The following MSRA variants were observed in gnomAD, a reference collection of about 807,000 sequenced individuals.
MSRA encodes the protein methionine sulfoxide reductase A, also known as mitochondrial peptide methionine sulfoxide reductase.
Under a neutral mutation model 31.3 loss-of-function variants are expected in MSRA, and 54 were observed. The ratio of observed to expected loss-of-function variants is 1.73; its 90% confidence interval spans 1.39 to 2.17. MSRA has a LOEUF of 2.17. Ranked by LOEUF, MSRA falls within the 30% of genes most tolerant of loss-of-function variation. The pLI is 0.00. For synonymous variants in MSRA, 169 were observed against 116.5 expected, an observed-to-expected ratio of 1.45 and a Z score of -2.90; for missense variants, 507 against 300.9, an observed-to-expected ratio of 1.69 and a Z score of -5.07.
chr8:10,338,710 A>T (rs1445618797), intron 5 of MSRA, among the ~76,000 whole-genome samples: 1 of 152,260 alleles, frequency 6.6e-6, no homozygotes, highest in Non-Finnish European at 1.5e-5. Context: ...AAGAAGTCAC[A>T]TAGAAATTCT....
At chr8:10,396,247 G>C (rs2129181896) in intron 5 of MSRA, among the ~76,000 whole-genome samples, 1 of 152,296 alleles carries the variant, frequency 6.6e-6, no homozygotes, top group Middle Eastern at 3.4e-3. Flanking sequence ...AGCCACTGCT[G>C]CCGTTCTCAG....
chr8:10,259,395 A>G (rs1390353373), intron 3 of MSRA, among the ~76,000 whole-genome samples: 1 of 152,188 alleles, frequency 6.6e-6, no homozygotes, highest in Non-Finnish European at 1.5e-5. Context: ...GTTAATTCAC[A>G]GGTTGGTGAA....
chr8:10,249,359 G>A (rs1194289497), intron 3 of MSRA, among the ~76,000 whole-genome samples: 1 of 152,172 alleles, frequency 6.6e-6, no homozygotes, highest in Non-Finnish European at 1.5e-5. Context: ...ACCTCGGGCT[G>A]AGTTATATGA....
chr8:10,367,881 G>C (rs935737939), intron 5 of MSRA, among the ~76,000 whole-genome samples: 3 of 152,222 alleles, frequency 2.0e-5, no homozygotes, highest in Non-Finnish European at 2.9e-5. Context: ...AAGTGAGGGG[G>C]GAAAGCTGCT....
At chr8:10,344,754 A>G (rs1478533936) in intron 5 of MSRA, among the ~76,000 whole-genome samples, 1 of 152,096 alleles carries the variant, frequency 6.6e-6, no homozygotes, top group Non-Finnish European at 1.5e-5. Context: ...TCACCAACAC[A>G]TTCTCCATTA....
chr8:10,173,296 G>A (rs1805757556), intron 1 of MSRA, among the ~76,000 whole-genome samples: 1 of 152,214 alleles, frequency 6.6e-6, no homozygotes, highest in Non-Finnish European at 1.5e-5. Context: ...TGTAAAAGAT[G>A]AAAAATTGTG....
At chr8:10,257,562 G>T (rs1247077008) in intron 3 of MSRA, among the ~76,000 whole-genome samples, 1 of 152,004 alleles carries the variant, frequency 6.6e-6, no homozygotes, top group Non-Finnish European at 1.5e-5. Flanking sequence ...ACGCACCACC[G>T]CGCCCAAGTA....
chr8:10,077,981 T>C (rs1215205145), intron 1 of MSRA, among the ~76,000 whole-genome samples: 1 of 152,248 alleles, frequency 6.6e-6, no homozygotes, highest in Non-Finnish European at 1.5e-5. Flanking sequence ...ATTTTCAGTT[T>C]TGTGCTTAAT....
rs1802787203 is a variant in MSRA at position 10,332,899 on chromosome 8, T to C, written c.543+12910T>C. 1.3e-5 allele frequency among the ~76,000 whole-genome samples: 2 copies of C among 152,256 alleles called. 1 individual carries two copies. Among genetic ancestry groups the C allele is most frequent in the South Asian group, 4.1e-4 (2 of 4,838 alleles). On this transcript the variant is annotated intron_variant, in intron 5 of 5. Coordinates refer to ENST00000317173, the MANE Select transcript of MSRA (RefSeq NM_012331.5). ...AAATCTGGTTTGTATGACTGCCCTC[T>C]GCTGGCTGTAGGCCTTTGCTGCAGT...
chr8:10,174,214 G>A (rs1241744355), intron 1 of MSRA, among the ~76,000 whole-genome samples: 2 of 152,110 alleles, frequency 1.3e-5, no homozygotes, highest in East Asian at 3.9e-4. Flanking sequence ...GTGAGGGTGT[G>A]GAGAGGTAGG....
At chr8:10,091,757 C>T (rs1585127032) in intron 1 of MSRA, among the ~76,000 whole-genome samples, 1 of 152,168 alleles carries the variant, frequency 6.6e-6, no homozygotes, top group Non-Finnish European at 1.5e-5. Context: ...AAGATGCGTG[C>T]CACCACACCC....
At chr8:10,274,854 T>C (rs1464568891) in intron 3 of MSRA, among the ~76,000 whole-genome samples, 1 of 152,112 alleles carries the variant, frequency 6.6e-6, no homozygotes, top group African/African-American at 2.4e-5. Context: ...CAAGCAACCA[T>C]CCATCTACCC....
At chr8:10,225,445 T>A (rs1330989071) in intron 2 of MSRA, among the ~76,000 whole-genome samples, 1 of 152,244 alleles carries the variant, frequency 6.6e-6, no homozygotes, top group Non-Finnish European at 1.5e-5. Context: ...TAGTCTCAAA[T>A]ATAAGCCCTG....
intron 5 of MSRA, among the ~76,000 whole-genome samples, chr8:10,424,627 A>G (rs1230804436): frequency 6.8e-6 from 1 of 147,692 alleles, no homozygotes. Flanking sequence ...GAGTGGGATC[A>G]GGGAGAAGGG....
At chr8:10,305,518 A>T (rs980610779) in intron 4 of MSRA, among the ~76,000 whole-genome samples, 1 of 146,710 alleles carries the variant, frequency 6.8e-6, no homozygotes, top group Non-Finnish European at 1.5e-5. Flanking sequence ...GGTTCAAGTG[A>T]TTCTCCTGCC....
chr8:10,330,006 A>ATGTGTGTGTG (rs72198519), intron 5 of MSRA, among the ~76,000 whole-genome samples: 3,726 of 135,404 alleles, frequency 0.028, 102 homozygotes, highest in Non-Finnish European at 0.036. Context: ...AGAGAAAAAA[A>ATGTGTGTGTG]TGTGTGTGTG....
chr8:10,290,431 G>C (rs1800169531), intron 3 of MSRA, among the ~76,000 whole-genome samples: 1 of 151,806 alleles, frequency 6.6e-6, no homozygotes. Flanking sequence ...ACAATTCTGA[G>C]ACTTTGTTGA....
chr8:10,123,818 C>G (rs1801298530), intron 1 of MSRA, among the ~76,000 whole-genome samples: 1 of 151,640 alleles, frequency 6.6e-6, no homozygotes, highest in East Asian at 1.9e-4. Context: ...GGTGTGCAAC[C>G]TTATTTCTGG....
chr8:10,190,260 G>A (rs975471248), intron 1 of MSRA, among the ~76,000 whole-genome samples: 1 of 152,034 alleles, frequency 6.6e-6, no homozygotes, highest in Admixed American at 6.6e-5. Flanking sequence ...CAGTCTCTGC[G>A]ACCTCAAACC....
Sources: allele counts gnomAD v4.1 joint callset (sites outside exome capture counted in the v4.1 genomes callset), GRCh38; gene constraint gnomAD v4.1.1; transcripts MANE v1.5; gene names NCBI Gene and HGNC (gene_info 2026-07-23, HGNC 2026-07-21).